The following AKAP13 variants were observed in gnomAD, a reference collection of about 807,000 sequenced individuals.
AKAP13 encodes A-kinase anchor protein 13.
In AKAP13, 80 loss-of-function variants were observed where a neutral mutation model predicts 264.5. That is an observed-to-expected ratio of 0.30 (90% confidence interval 0.25 to 0.36). AKAP13 has a LOEUF of 0.36. Ranked by LOEUF, AKAP13 falls within the 10% of genes least tolerant of loss-of-function variation. The pLI is 1.00. For synonymous variants in AKAP13, 1,380 were observed against 1,250.2 expected (o/e 1.10, Z -2.19); for missense variants, 3,712 against 3,435.2 (o/e 1.08, Z -2.01).
intron 1 of AKAP13, chr15:85,415,269 G>T (rs1447050115): frequency 6.3e-7 from 1 of 1,580,950 alleles, no homozygotes; most frequent in Admixed American, 1.7e-5. Context: ...GCGCCTGGTG[G>T]ACAGCAGAGG....
chr15:85,735,536 A>T, intron 31 of AKAP13, 24 bp from the exon 32 acceptor site: 4 of 1,590,652 alleles, frequency 2.5e-6, no homozygotes, highest in Non-Finnish European at 3.4e-6. Context: ...TTTAAAAAAA[A>T]AAACAACCCT....
At chr15:85,436,133 A>C (rs1182124362) in intron 1 of AKAP13, among the ~76,000 whole-genome samples, 84 of 98,482 alleles carry the variant, frequency 8.5e-4, no homozygotes, top group African/African-American at 3.0e-3. Context: ...TCTACCAAGC[A>C]AATGGAAAAC....
intron 1 of AKAP13, among the ~76,000 whole-genome samples, chr15:85,412,966 CAAGT>C (rs1177255904): frequency 2.6e-5 from 4 of 152,078 alleles, no homozygotes; most frequent in African/African-American, 9.7e-5. Context: ...ACTGGCGGGT[CAAGT>C]AATTGGCCCA....
chr15:85,520,398 T>C (rs1021829572), intron 2 of AKAP13, among the ~76,000 whole-genome samples: 1 of 148,856 alleles, frequency 6.7e-6, no homozygotes, highest in Non-Finnish European at 1.5e-5. Flanking sequence ...CTCAGGAGGC[T>C]GAGACATGAG....
chr15:85,482,450 C>G (rs1433990204), intron 1 of AKAP13, among the ~76,000 whole-genome samples: 8 of 152,102 alleles, frequency 5.3e-5, no homozygotes, highest in Admixed American at 6.5e-5. Context: ...CCTACAGAGT[C>G]TTGAGGAGTA....
chr15:85,518,830 A>G (rs911734453), intron 2 of AKAP13, among the ~76,000 whole-genome samples: 1 of 152,142 alleles, frequency 6.6e-6, no homozygotes, highest in African/African-American at 2.4e-5. Flanking sequence ...ACCTGTCTCA[A>G]ACAACAACAA....
chr15:85,520,498 C>CAAAAAAAAAAAAAA (rs71468111), intron 2 of AKAP13, among the ~76,000 whole-genome samples: 1 of 71,292 alleles, frequency 1.4e-5, no homozygotes. Context: ...AACTCCGTCT[C>CAAAAAAAAAAAAAA]AAAAAAAAAA....
chr15:85,400,789 A>G (rs1242693341), intron 1 of AKAP13, among the ~76,000 whole-genome samples: 1 of 151,628 alleles, frequency 6.6e-6, no homozygotes, highest in Non-Finnish European at 1.5e-5. Flanking sequence ...TCTTGTTGAT[A>G]TTCAGCCTAT....
intron 4 of AKAP13, chr15:85,534,803 A>G (rs1330777319): frequency 1.3e-5 from 2 of 152,208 alleles, no homozygotes; most frequent in African/African-American, 2.4e-5. Context: ...GTTTTCCCAC[A>G]TAATTCTAGT....
intron 8 of AKAP13, among the ~76,000 whole-genome samples, chr15:85,601,297 TCA>T (rs1230721201): frequency 2.6e-5 from 4 of 152,212 alleles, no homozygotes; most frequent in African/African-American, 4.8e-5. Context: ...ACATAGGTCA[TCA>T]AAAGTCTTTT....
intron 4 of AKAP13, among the ~76,000 whole-genome samples, chr15:85,537,756 C>T (rs960729423): frequency 6.6e-6 from 1 of 152,198 alleles, no homozygotes; most frequent in Non-Finnish European, 1.5e-5. Flanking sequence ...TTAATTTCCT[C>T]ATCTGTGAAA....
intron 8 of AKAP13, among the ~76,000 whole-genome samples, chr15:85,623,775 G>A (rs1166071303): frequency 6.6e-6 from 1 of 152,172 alleles, no homozygotes; most frequent in African/African-American, 2.4e-5. Flanking sequence ...CTGTTCCTCT[G>A]TATATGACAT....
At chr15:85,384,125 A>G (rs1238587015) in intron 1 of AKAP13, among the ~76,000 whole-genome samples, 3 of 152,274 alleles carry the variant, frequency 2.0e-5, no homozygotes, top group African/African-American at 4.8e-5. Flanking sequence ...TGAAGAGATT[A>G]TAGTAAACCT....
At chr15:85,381,370 C>G (rs1202469565) in intron 1 of AKAP13, among the ~76,000 whole-genome samples, 1 of 151,846 alleles carries the variant, frequency 6.6e-6, no homozygotes, top group Non-Finnish European at 1.5e-5. Flanking sequence ...TGCGGCCCAG[C>G]TGACCCGCGC....
intron 9 of AKAP13, among the ~76,000 whole-genome samples, chr15:85,644,740 C>T (rs1295767218): frequency 6.6e-6 from 1 of 150,944 alleles, no homozygotes; most frequent in Non-Finnish European, 1.5e-5. Flanking sequence ...GTGGCACGTG[C>T]CTGTAGTCCC....
At chr15:85,715,689 C>G in intron 19 of AKAP13, 99 bp from the exon 20 acceptor site, 1 of 1,083,594 alleles carries the variant, frequency 9.2e-7, no homozygotes, top group Non-Finnish European at 1.3e-6. Context: ...AGGGCAAATC[C>G]ACTGTAAAGC....
intron 1 of AKAP13, among the ~76,000 whole-genome samples, chr15:85,399,651 T>G (rs1482671774): frequency 6.6e-6 from 1 of 151,736 alleles, no homozygotes; most frequent in African/African-American, 2.4e-5. Flanking sequence ...TAAAAGGATA[T>G]GAAGAAACTC....
At chr15:85,522,055 T>C (rs1385657094) in intron 3 of AKAP13, among the ~76,000 whole-genome samples, 1 of 152,216 alleles carries the variant, frequency 6.6e-6, no homozygotes, top group African/African-American at 2.4e-5. Flanking sequence ...TTGTTTCCTG[T>C]GATGTATATC....
At chr15:85,450,114 G>A (rs1189169521) in intron 1 of AKAP13, among the ~76,000 whole-genome samples, 2 of 151,890 alleles carry the variant, frequency 1.3e-5, no homozygotes, top group African/African-American at 4.8e-5. Context: ...GGTCTGTTTA[G>A]GGAATAAATT....
Sources: gnomAD v4.1 joint callset for allele counts (sites outside exome capture counted in the v4.1 genomes callset) on GRCh38, gnomAD v4.1.1 for gene constraint, MANE v1.5 for transcripts, NCBI Gene and HGNC (gene_info 2026-07-23, HGNC 2026-07-21) for gene names.